CAMKMT: variants seen among roughly 807,000 people sequenced by gnomAD.
The protein encoded by CAMKMT is CaM KMT.
A neutral mutation model predicts 48.0 loss-of-function variants in CAMKMT; 53 were observed. That is an observed-to-expected ratio of 1.10 (90% CI 0.89 to 1.39). The LOEUF (loss-of-function observed/expected upper bound fraction) is 1.39, where lower values mean the gene tolerates loss of function less well. Among genes scored for constraint, CAMKMT ranks in the 40% most tolerant of loss-of-function variants. CAMKMT has a pLI of 0.00. For synonymous variants in CAMKMT, 165 were observed against 152.3 expected (o/e 1.08, Z -0.61); for missense variants, 428 against 402.7 (o/e 1.06, Z -0.54).
At chr2:44,553,857 T>C (rs1245093340) in intron 3 of CAMKMT, among the ~76,000 whole-genome samples, 1 of 152,224 alleles carries the variant, frequency 6.6e-6, no homozygotes, top group Non-Finnish European at 1.5e-5. Flanking sequence ...GCTATTTTAG[T>C]GAATTTAAAA....
intron 3 of CAMKMT, among the ~76,000 whole-genome samples, chr2:44,596,533 G>C (rs1250943859): frequency 6.6e-6 from 1 of 151,950 alleles, no homozygotes; most frequent in Non-Finnish European, 1.5e-5. Flanking sequence ...CCAGTCTGTG[G>C]ATGAATCCAG....
intron 3 of CAMKMT, among the ~76,000 whole-genome samples, chr2:44,559,255 T>C (rs1052162045): frequency 5.9e-5 from 9 of 152,186 alleles, no homozygotes; most frequent in Non-Finnish European, 1.2e-4. Flanking sequence ...CTATTGCAGC[T>C]TCCCCTTCAG....
intron 3 of CAMKMT, among the ~76,000 whole-genome samples, chr2:44,439,561 G>A (rs912590579): frequency 6.6e-6 from 1 of 151,894 alleles, no homozygotes; most frequent in Non-Finnish European, 1.5e-5. Context: ...AATATGGGCC[G>A]GGCGCAGTGG....
intron 3 of CAMKMT, among the ~76,000 whole-genome samples, chr2:44,606,166 C>G (rs1427720344): frequency 6.6e-6 from 1 of 152,148 alleles, no homozygotes; most frequent in Admixed American, 6.5e-5. Flanking sequence ...TTTCCCCAAT[C>G]TGGACTTCTA....
chr2:44,430,709 C>CT (rs1233705292), intron 3 of CAMKMT, among the ~76,000 whole-genome samples: 2 of 152,034 alleles, frequency 1.3e-5, no homozygotes, highest in African/African-American at 4.8e-5. Flanking sequence ...AAATAAGAGT[C>CT]TTTTTTTCCT....
chr2:44,637,723 T>C (rs1384205131), intron 3 of CAMKMT, among the ~76,000 whole-genome samples: 1 of 152,084 alleles, frequency 6.6e-6, no homozygotes, highest in Non-Finnish European at 1.5e-5. Flanking sequence ...ACAGTGGTCT[T>C]TTAAAATAAT....
chr2:44,447,024 C>G (rs1667040422), intron 3 of CAMKMT, among the ~76,000 whole-genome samples: 1 of 152,168 alleles, frequency 6.6e-6, no homozygotes, highest in Admixed American at 6.5e-5. Flanking sequence ...ACAAGCTTAT[C>G]TGCACAAAAT....
At chr2:44,528,165 G>C (rs1029146409) in intron 3 of CAMKMT, among the ~76,000 whole-genome samples, 4 of 151,984 alleles carry the variant, frequency 2.6e-5, no homozygotes, top group African/African-American at 9.7e-5. Context: ...TTTGTTGATT[G>C]TCATAAATAT....
Position 44,772,434 on chromosome 2 carries a change from A to G in CAMKMT, c.*321A>G, listed in dbSNP as rs577831156. On this transcript the variant is annotated 3_prime_UTR_variant, in exon 11 of 11. Coordinates refer to ENST00000378494, the MANE Select transcript of CAMKMT (RefSeq NM_024766.5). The stretch of plus-strand genomic sequence containing the variant: ...TATTTTTCCCTGTAATTGAGACAGA[A>G]TTTCTTTTGATGATACCCATCCCTC... 1 of 214,846 alleles carries G rather than the reference A, an allele frequency of 4.7e-6. No homozygotes were observed. Among genetic ancestry groups the G allele is most frequent in the East Asian group, 9.6e-5 (1 of 10,384 alleles). 13.3% of individuals were successfully genotyped at this position (214,846 alleles called of 1,614,324 possible).
chr2:44,413,084 T>A lies in CAMKMT; in HGVS notation c.376+22779T>A, dbSNP rs887575141. Among the ~76,000 whole-genome samples, 10 of 151,380 alleles carry A rather than the reference T, an allele frequency of 6.6e-5. No individual in the cohort carries two copies. The East Asian group carries it at 1.2e-3, about 18-fold the overall frequency. ...GAGCAGGACTCCATCTCAAAAAAAATAAAATAAAATAAATTAAATAAATAA... is the reference window on the plus strand; with the variant it reads ...GAGCAGGACTCCATCTCAAAAAAAAAAAAATAAAATAAATTAAATAAATAA... On this transcript the variant is annotated intron_variant, in intron 3 of 10. Transcript: ENST00000378494.
intron 3 of CAMKMT, among the ~76,000 whole-genome samples, chr2:44,630,989 A>G (rs890001946): frequency 6.6e-6 from 1 of 152,130 alleles, no homozygotes; most frequent in African/African-American, 2.4e-5. Context: ...AAAGACTTGG[A>G]ACCAACCCAA....
At chr2:44,608,065 T>G (rs1256279970) in intron 3 of CAMKMT, among the ~76,000 whole-genome samples, 1 of 138,966 alleles carries the variant, frequency 7.2e-6, no homozygotes, top group Non-Finnish European at 1.5e-5. Flanking sequence ...TTAAAATATA[T>G]TTTCCTTTTT....
At chr2:44,362,265 C>A in intron 1 of CAMKMT, 120 bp downstream of exon 1, 1 of 864,268 alleles carries the variant, frequency 1.2e-6, no homozygotes, top group Non-Finnish European at 1.6e-6. Flanking sequence ...CTCAGTTTGC[C>A]GGGAGCCACC....
chr2:44,625,443 AT>A (rs1672427288), intron 3 of CAMKMT, among the ~76,000 whole-genome samples: 1 of 152,032 alleles, frequency 6.6e-6, no homozygotes, highest in South Asian at 2.1e-4. Context: ...AGTATTGCAG[AT>A]TTTTTCCCAG....
At chr2:44,615,717 T>G (rs1671852364) in intron 3 of CAMKMT, among the ~76,000 whole-genome samples, 2 of 152,144 alleles carry the variant, frequency 1.3e-5, no homozygotes, top group South Asian at 2.1e-4. Flanking sequence ...AATGTGTTTT[T>G]TTAACCACAC....
At chr2:44,625,039 T>C (rs1203144335) in intron 3 of CAMKMT, among the ~76,000 whole-genome samples, 1 of 152,196 alleles carries the variant, frequency 6.6e-6, no homozygotes, top group African/African-American at 2.4e-5. Flanking sequence ...TTATGGTATG[T>C]ATGGTATATG....
chr2:44,536,084 A>C (rs181093096), intron 3 of CAMKMT, among the ~76,000 whole-genome samples: 1 of 152,340 alleles, frequency 6.6e-6, no homozygotes, highest in East Asian at 1.9e-4. Flanking sequence ...TAGCTGAAAG[A>C]GAAATCAAAT....
At chr2:44,592,727 G>T (rs1322760306) in intron 3 of CAMKMT, among the ~76,000 whole-genome samples, 1 of 152,162 alleles carries the variant, frequency 6.6e-6, no homozygotes, top group African/African-American at 2.4e-5. Flanking sequence ...GCATCCACTA[G>T]GACCTTGGCT....
intron 3 of CAMKMT, among the ~76,000 whole-genome samples, chr2:44,629,209 G>A (rs557902822): frequency 1.9e-4 from 29 of 152,018 alleles, no homozygotes; most frequent in Admixed American, 9.8e-4. Context: ...TATTTGTTGC[G>A]TACATATTTA....
Sources: allele counts gnomAD v4.1 joint callset (sites outside exome capture counted in the v4.1 genomes callset), GRCh38; gene constraint gnomAD v4.1.1; transcripts MANE v1.5; gene names NCBI Gene and HGNC (gene_info 2026-07-23, HGNC 2026-07-21).